RPAP3: variants seen among roughly 807,000 people sequenced by gnomAD.
RPAP3 encodes the protein RNA polymerase II-associated protein 3.
Under a neutral mutation model 88.8 loss-of-function variants are expected in RPAP3, and 58 were observed. The ratio of observed to expected loss-of-function variants is 0.65; its 90% CI spans 0.53 to 0.81. RPAP3 has a LOEUF of 0.81. Among genes scored for constraint, RPAP3 ranks in the 40% least tolerant of loss-of-function variants. The pLI is 0.00. For missense variants in RPAP3, 751 were observed against 764.3 expected (o/e 0.98, Z 0.20); for synonymous variants, 255 against 259.9 (o/e 0.98, Z 0.18).
At chr12:47,679,354 A>ATC in intron 12 of RPAP3, 139 bp downstream of exon 12, 1 of 554,296 alleles carries the variant, frequency 1.8e-6, no homozygotes, top group Non-Finnish European at 3.3e-6. Context: ...TATGTATCAG[A>ATC]TCTGCACGTT....
At chr12:47,679,220 AG>A (rs1257598161) in intron 12 of RPAP3, among the ~76,000 whole-genome samples, 8 of 152,098 alleles carry the variant, frequency 5.3e-5, no homozygotes, top group Admixed American at 1.3e-4. Context: ...GACACAGGGC[AG>A]GGAACATCAC....
intron 12 of RPAP3, among the ~76,000 whole-genome samples, chr12:47,672,443 T>G (rs1427056153): frequency 6.6e-6 from 1 of 152,246 alleles, no homozygotes; most frequent in Non-Finnish European, 1.5e-5. Context: ...TCAGCATTTA[T>G]GCACATTATT....
chr12:47,671,457 T>C (rs1460041195), intron 12 of RPAP3, among the ~76,000 whole-genome samples: 4 of 152,196 alleles, frequency 2.6e-5, no homozygotes, highest in Admixed American at 1.3e-4. Context: ...TCTTCTGCAA[T>C]AGATAACAAA....
chr12:47,690,460 T>C (rs533975804), intron 6 of RPAP3, 58 bp downstream of exon 6: 7 of 1,417,740 alleles, frequency 4.9e-6, no homozygotes, highest in African/African-American at 2.9e-5. Context: ...GTATTCTCCA[T>C]ATAGCATCTG....
intron 1 of RPAP3, among the ~76,000 whole-genome samples, chr12:47,704,889 T>C (rs761716363): frequency 3.5e-4 from 53 of 151,510 alleles, no homozygotes; most frequent in Admixed American, 7.2e-4. Flanking sequence ...GGAGGGTGCC[T>C]ATAGTTCCAG....
At chr12:47,673,803 T>C (rs546205998) in intron 12 of RPAP3, among the ~76,000 whole-genome samples, 97 of 152,216 alleles carry the variant, frequency 6.4e-4, no homozygotes, top group African/African-American at 2.2e-3. Flanking sequence ...TAAATTATAA[T>C]TTGTCTTGCG....
chr12:47,674,239 T>C (rs1437102231), intron 12 of RPAP3, among the ~76,000 whole-genome samples: 1 of 151,914 alleles, frequency 6.6e-6, no homozygotes, highest in East Asian at 1.9e-4. Context: ...CATTTCCAAC[T>C]GAGGTCACCA....
chr12:47,701,396 A>G (rs1359981566), intron 3 of RPAP3, 68 bp downstream of exon 3: 1 of 1,188,918 alleles, frequency 8.4e-7, no homozygotes, highest in Admixed American at 2.6e-5. Context: ...CACTTAACCC[A>G]TGATTATCAG....
chr12:47,705,185 G>A (rs1387109459), intron 1 of RPAP3, among the ~76,000 whole-genome samples: 2 of 152,178 alleles, frequency 1.3e-5, no homozygotes, highest in East Asian at 3.9e-4. Context: ...GCTTTAGGCG[G>A]AGGGAAGAGA....
intron 12 of RPAP3, among the ~76,000 whole-genome samples, chr12:47,676,994 T>A (rs895336823): frequency 6.6e-6 from 1 of 152,300 alleles, no homozygotes; most frequent in African/African-American, 2.4e-5. Context: ...AAATCCTCAA[T>A]AAAATACTGG....
chr12:47,667,749 C>A lies in RPAP3; in HGVS notation c.1811+5G>T. On this transcript the variant is annotated splice_donor_5th_base_variant and intron_variant, in intron 15 of 16. Transcript: ENST00000005386. ...TACTGTATAACTAAAAAAAACTTGA[C>A]TTACTCAATGTAAAAGTCATGCAGA... 1 of 1,560,648 alleles carries A rather than the reference C, an allele frequency of 6.4e-7. No individual in the cohort carries two copies.
At chr12:47,680,942 C>A (rs1392261694) in intron 10 of RPAP3, among the ~76,000 whole-genome samples, 2 of 146,966 alleles carry the variant, frequency 1.4e-5, no homozygotes, top group Non-Finnish European at 3.0e-5. Flanking sequence ...CCTCTGCTTA[C>A]TGGGATTCAA....
intron 14 of RPAP3, 96 bp from the exon 15 acceptor site, chr12:47,667,947 T>C: frequency 3.8e-6 from 3 of 794,070 alleles, no homozygotes; most frequent in Non-Finnish European, 6.0e-6. Context: ...AAAGAATAAC[T>C]ACTTTGGGAG....
intron 12 of RPAP3, among the ~76,000 whole-genome samples, chr12:47,676,090 C>T (rs1214910903): frequency 2.0e-5 from 3 of 152,180 alleles, no homozygotes; most frequent in African/African-American, 7.2e-5. Flanking sequence ...GATTAAGAAA[C>T]TCACTCAAAA....
chr12:47,703,078 A>G (rs1939689319), intron 1 of RPAP3, among the ~76,000 whole-genome samples: 1 of 152,260 alleles, frequency 6.6e-6, no homozygotes, highest in Admixed American at 6.5e-5. Flanking sequence ...AGGCAACATT[A>G]AAGAAAGGTA....
intron 9 of RPAP3, among the ~76,000 whole-genome samples, chr12:47,682,342 C>T (rs183238584): frequency 8.2e-4 from 125 of 152,264 alleles, no homozygotes; most frequent in African/African-American, 2.8e-3. Context: ...CAGACTTACT[C>T]ATTACTGCTC....
chr12:47,672,329 T>A (rs1939015783), intron 12 of RPAP3, among the ~76,000 whole-genome samples: 1 of 152,222 alleles, frequency 6.6e-6, no homozygotes, highest in African/African-American at 2.4e-5. Context: ...TTCTCTACTT[T>A]CCGTAGTCTT....
At chr12:47,667,935 G>T in intron 14 of RPAP3, 84 bp from the exon 15 acceptor site, 2 of 909,492 alleles carry the variant, frequency 2.2e-6, no homozygotes, top group Non-Finnish European at 3.4e-6. Context: ...GGTAAAAATA[G>T]TAAAGAATAA....
intron 12 of RPAP3, among the ~76,000 whole-genome samples, chr12:47,676,989 C>T (rs1209162625): frequency 1.3e-5 from 2 of 152,134 alleles, no homozygotes; most frequent in African/African-American, 4.8e-5. Context: ...TGTGAAAATC[C>T]TCAATAAAAT....
Sources: gnomAD v4.1 joint callset for allele counts (sites outside exome capture counted in the v4.1 genomes callset) on GRCh38, gnomAD v4.1.1 for gene constraint, MANE v1.5 for transcripts, NCBI Gene and HGNC (gene_info 2026-07-23, HGNC 2026-07-21) for gene names.